ITSN2: variants seen among roughly 807,000 people sequenced by gnomAD.
ITSN2 encodes intersectin-2.
ITSN2 carries 156 observed loss-of-function variants against 243.7 expected under a neutral mutation model. The ratio of observed to expected loss-of-function variants is 0.64; its 90% confidence interval spans 0.56 to 0.73. The LOEUF (loss-of-function observed/expected upper bound fraction) is 0.73, where lower values mean the gene tolerates loss of function less well. ITSN2 is among the 30% of genes least tolerant of loss of function. ITSN2 has a pLI of 0.00. For missense variants in ITSN2, 1,801 were observed against 1,996.1 expected (o/e 0.90, Z 1.86); for synonymous variants, 703 against 699.9 (o/e 1.00, Z -0.07).
At chr2:24,243,260 T>C (rs1469276770) in intron 29 of ITSN2, among the ~76,000 whole-genome samples, 1 of 152,180 alleles carries the variant, frequency 6.6e-6, no homozygotes, top group African/African-American at 2.4e-5. Context: ...CTTCAGAGAA[T>C]GGATTGTCTT....
At chr2:24,316,959 CATT>C (rs1360441524) in intron 2 of ITSN2, among the ~76,000 whole-genome samples, 1 of 152,204 alleles carries the variant, frequency 6.6e-6, no homozygotes, top group Non-Finnish European at 1.5e-5. Context: ...CTGATAGTCC[CATT>C]TTGGGGAGGG....
intron 20 of ITSN2, among the ~76,000 whole-genome samples, chr2:24,264,940 A>AC (rs1676477842): frequency 3.3e-5 from 5 of 152,032 alleles, no homozygotes; most frequent in Admixed American, 3.3e-4. Context: ...CAAAAAAAAA[A>AC]AACAAAGCCT....
Position 24,295,649 on chromosome 2 carries a change from C to T in ITSN2, c.1635+15G>A, listed in dbSNP as rs1184397725. The T allele has an allele frequency of 6.6e-7, 1 of 1,506,132 alleles. No individual in the cohort carries two copies. The highest frequency in any genetic ancestry group is 8.8e-7 in the Non-Finnish European group (1 of 1,135,588). The allele number at this position is 1,506,132 out of a possible 1,614,324, so 93.3% of individuals were successfully genotyped here. A position where few individuals can be genotyped will look rare whatever the true frequency, so the allele number is the denominator to read the frequency against. On this transcript the variant is annotated intron_variant, in intron 14 of 39. Coordinates refer to ENST00000355123, the MANE Select transcript of ITSN2 (RefSeq NM_006277.3). ...TTGTACATGTTTAAGAACAATTTAG[C>T]AGTGAAGGACTTACCTGAAGTTCCT...
At position 24,248,670 on chromosome 2, in the gene ITSN2, GAATT is replaced by G. The variant is rs775540521; in HGVS notation, c.3243_3246del (p.Leu1081PhefsTer2). 2 of 1,611,210 alleles carry G rather than the reference GAATT, an allele frequency of 1.2e-6. No individual in the cohort carries two copies. The highest frequency in any genetic ancestry group is 8.5e-7 in the Non-Finnish European group (1 of 1,178,150). The stretch of plus-strand genomic sequence containing the variant: ...CACCACCCACTTGTATTTTTCTTTA[GAATT>G]AATATTAACTGTCCTGGTGCAAGGC... On this transcript the variant is annotated frameshift_variant, in exon 27 of 40. Coordinates refer to ENST00000355123, the MANE Select transcript of ITSN2 (RefSeq NM_006277.3). LOFTEE classifies it high-confidence loss of function.
chr2:24,304,899 T>A (rs1024516017), intron 8 of ITSN2, among the ~76,000 whole-genome samples: 10 of 152,198 alleles, frequency 6.6e-5, no homozygotes, highest in Non-Finnish European at 1.5e-4. Flanking sequence ...TAAAACTCAT[T>A]TGAACATGTA....
At position 24,315,134 on chromosome 2, in the gene ITSN2, G is replaced by C. The variant is rs746351031; in HGVS notation, c.122C>G (p.Thr41Arg). The C allele has an allele frequency of 9.6e-6, 15 of 1,567,182 alleles. No homozygotes were observed. Among genetic ancestry groups the C allele is most frequent in the Non-Finnish European group, 1.1e-5 (13 of 1,139,682 alleles). Residue 41 changes from threonine to arginine, a missense_variant and splice_region_variant, in exon 3 of 40, where the codon ACA becomes AGA. By Grantham distance (71) the Thr-to-Arg change is moderately conservative. Transcript: ENST00000355123. ...TAAAACTAATTATAAATACAAACCT[G>C]TTATGTAACCTCCTGAAGGTTTGAG... ...DNLKPSGGYI[T>R]GDQARNFFLQ...
Position 24,298,754 on chromosome 2 carries a change from C to T in ITSN2, c.1405G>A (p.Glu469Lys). The T allele has an allele frequency of 1.9e-6, 3 of 1,612,802 alleles. No homozygotes were observed. Among genetic ancestry groups the T allele is most frequent in the Non-Finnish European group, 2.5e-6 (3 of 1,179,396 alleles). Residue 469 changes from glutamate (E) to lysine (K), a missense_variant, in exon 13 of 40, where the codon GAG becomes AAG. Glu to Lys is a moderately conservative substitution (Grantham distance 56, BLOSUM62 1). Transcript: ENST00000355123. ...RLEWERIRRQ[E>K]LLNQKNREQE... The stretch of plus-strand genomic sequence containing the variant: ...TCTCTATTCTTTTGATTGAGAAGCT[C>T]CTGTCGCCGAATTCTCTCCCATTCT...
At chr2:24,259,471 A>AT (rs1377605346) in intron 22 of ITSN2, among the ~76,000 whole-genome samples, 1 of 152,230 alleles carries the variant, frequency 6.6e-6, no homozygotes, top group African/African-American at 2.4e-5. Flanking sequence ...AACATACACA[A>AT]TAACTCCACT....
intron 18 of ITSN2, chr2:24,273,643 G>C (rs1398646826): frequency 2.6e-5 from 4 of 151,732 alleles, no homozygotes; most frequent in South Asian, 2.1e-4. Context: ...CCTGGATAAG[G>C]CTCCTTGTTT....
intron 27 of ITSN2, 66 bp from the exon 28 acceptor site, chr2:24,246,959 T>C (rs1224592849): frequency 1.8e-6 from 2 of 1,119,732 alleles, no homozygotes; most frequent in Non-Finnish European, 2.6e-6. Context: ...GAGACATAAC[T>C]TAAAAATTAG....
intron 1 of ITSN2, among the ~76,000 whole-genome samples, chr2:24,354,997 C>T (rs1688320568): frequency 1.3e-5 from 2 of 152,284 alleles, no homozygotes; most frequent in East Asian, 1.9e-4. Flanking sequence ...AAATATGCTG[C>T]CCTCTTGGAG....
At chr2:24,251,669 G>A (rs1006977544) in intron 25 of ITSN2, among the ~76,000 whole-genome samples, 2 of 148,460 alleles carry the variant, frequency 1.3e-5, no homozygotes, top group Admixed American at 6.8e-5. Context: ...GTATATATAC[G>A]TGTGTGTGTC....
intron 1 of ITSN2, among the ~76,000 whole-genome samples, chr2:24,356,359 A>G (rs978060741): frequency 1.7e-4 from 25 of 151,496 alleles, no homozygotes; most frequent in Admixed American, 1.2e-3. Context: ...AAAAAAAAAA[A>G]AAAGAAAGAA....
At chr2:24,218,063 C>T in intron 30 of ITSN2, 50 bp from the exon 31 acceptor site, 1 of 1,195,918 alleles carries the variant, frequency 8.4e-7, no homozygotes, top group Non-Finnish European at 1.2e-6. Flanking sequence ...GGATACACAG[C>T]CTACGTGTGG....
At chr2:24,330,442 A>G in intron 1 of ITSN2, 1 of 639,728 alleles carries the variant, frequency 1.6e-6, no homozygotes, top group African/African-American at 1.8e-5. Flanking sequence ...AAAGGAGATA[A>G]AGCCAAGGTG....
intron 17 of ITSN2, among the ~76,000 whole-genome samples, chr2:24,281,920 C>T (rs1678832041): frequency 6.6e-6 from 1 of 152,210 alleles, no homozygotes; most frequent in South Asian, 2.1e-4. Flanking sequence ...TCCTCCTCTA[C>T]CCAGGAAGAT....
At chr2:24,346,140 C>G (rs576593033) in intron 1 of ITSN2, among the ~76,000 whole-genome samples, 55 of 152,092 alleles carry the variant, frequency 3.6e-4, no homozygotes, top group African/African-American at 1.2e-3. Context: ...CAGAAGGCTA[C>G]GTAGAGTATA....
intron 2 of ITSN2, among the ~76,000 whole-genome samples, chr2:24,321,475 G>A (rs1684571840): frequency 6.6e-6 from 1 of 152,028 alleles, no homozygotes; most frequent in Non-Finnish European, 1.5e-5. Flanking sequence ...TAAATGACTG[G>A]ATTAAAAAAT....
chr2:24,206,228 G>C (rs1284447800), intron 37 of ITSN2: 1 of 401,226 alleles, frequency 2.5e-6, no homozygotes. Context: ...ATTAGCAAAA[G>C]CTGTTTTAAA....
Sources: gnomAD v4.1 joint callset for allele counts (sites outside exome capture counted in the v4.1 genomes callset) on GRCh38, gnomAD v4.1.1 for gene constraint, MANE v1.5 for transcripts, NCBI Gene and HGNC (gene_info 2026-07-23, HGNC 2026-07-21) for gene names.